The following KIFC3 variants were observed in gnomAD, a reference collection of about 807,000 sequenced individuals.
The protein encoded by KIFC3 is kinesin-like protein KIFC3.
KIFC3 carries 60 observed loss-of-function variants against 101.8 expected under a neutral mutation model. The ratio of observed to expected loss-of-function variants is 0.59; its 90% CI spans 0.48 to 0.73. The LOEUF is 0.73. KIFC3 is among the 30% of genes least tolerant of loss of function. KIFC3 has a pLI of 0.00. For synonymous variants in KIFC3, 476 were observed against 482.7 expected, an observed-to-expected ratio of 0.99 and a Z score of 0.18; for missense variants, 966 against 1,137.1, an observed-to-expected ratio of 0.85 and a Z score of 2.16.
chr16:57,775,170 G>A (rs1306282571), intron 3 of KIFC3: 16 of 1,331,510 alleles, frequency 1.2e-5, no homozygotes, highest in Non-Finnish European at 1.5e-5. Context: ...GAATCTCAGA[G>A]GGGCACCCAA....
intron 3 of KIFC3, chr16:57,782,027 T>G: frequency 1.0e-6 from 1 of 984,992 alleles, no homozygotes; most frequent in African/African-American, 1.7e-5. Context: ...CAAGGCAGAG[T>G]GTACCCCCTG....
chr16:57,859,968 G>T (rs1216910566), intron 1 of KIFC3, among the ~76,000 whole-genome samples: 2 of 150,048 alleles, frequency 1.3e-5, no homozygotes, highest in Non-Finnish European at 3.0e-5. Context: ...GTTACAGAGA[G>T]TTGAGATCGT....
Position 57,770,607 on chromosome 16 carries a change from C to G in KIFC3, c.859G>C (p.Ala287Pro). 1.3e-6 allele frequency: 2 copies of G among 1,542,070 alleles called. No homozygotes were observed. Among genetic ancestry groups the G allele is most frequent in the Admixed American group, 2.0e-5 (1 of 48,788 alleles). ...ARNQHLQEQV[A>P]MQRQVLKEME... ...TCCTTCAGCACCTGCCTCTGCATAG[C>G]CACCTGCTCCTGCAGGTGCTGGTTC... The change falls in exon 7 of 20, where the codon GCT becomes CCT. Residue 287 changes from alanine (A) to proline (P), a missense_variant. By Grantham distance (27) the Ala-to-Pro change is conservative (BLOSUM62 -1). This residue lies in a region of KIFC3 where 689 missense variants were observed against 884.6 expected (regional missense o/e 0.78). Transcript: ENST00000445690.
chr16:57,782,011 G>A, intron 3 of KIFC3: 1 of 985,422 alleles, frequency 1.0e-6, no homozygotes, highest in South Asian at 4.7e-5. Flanking sequence ...ACGGCACCAT[G>A]GAAAACAAGG....
At chr16:57,822,625 A>T (rs1555630082) in intron 1 of KIFC3, among the ~76,000 whole-genome samples, 1 of 151,220 alleles carries the variant, frequency 6.6e-6, no homozygotes, top group East Asian at 1.9e-4. Flanking sequence ...TGAACCCAGG[A>T]GGTGGAGGTT....
intron 2 of KIFC3, chr16:57,797,780 G>A: frequency 7.5e-7 from 1 of 1,328,814 alleles, no homozygotes; most frequent in Non-Finnish European, 9.6e-7. Context: ...GCAGAGCTCT[G>A]ACCAGCTTGG....
intron 1 of KIFC3, among the ~76,000 whole-genome samples, chr16:57,821,451 A>T (rs2055348477): frequency 6.6e-6 from 1 of 152,136 alleles, no homozygotes; most frequent in African/African-American, 2.4e-5. Flanking sequence ...CAGAACAGGG[A>T]AGAGTTTATT....
At chr16:57,791,963 A>G (rs2053907202) in intron 3 of KIFC3, among the ~76,000 whole-genome samples, 1 of 152,220 alleles carries the variant, frequency 6.6e-6, no homozygotes, top group Non-Finnish European at 1.5e-5. Flanking sequence ...TCCCTGAAGC[A>G]ACATCAACCC....
rs200822275 is a variant in KIFC3 at position 57,770,648 on chromosome 16, C to T, written c.818G>A (p.Ser273Asn). ...GTGCTGGTTCCGGGCCTGGGACTCG[C>T]TGAGGGCCTGCTTGGTCTTGGACGA... ...VESSKTKQAL[S>N]ESQARNQHLQ... Residue 273 changes from serine to asparagine, a missense_variant, in exon 7 of 20, where the codon AGC (serine) becomes AAC (asparagine). Physicochemically the swap from Ser to Asn is conservative, Grantham distance 46. This residue lies in a region of KIFC3 where 689 missense variants were observed against 884.6 expected (regional missense o/e 0.78). Transcript: ENST00000445690. The T allele has an allele frequency of 5.2e-5, 81 of 1,559,336 alleles. 1 individual carries two copies. The East Asian group carries it at 1.9e-3, about 37-fold the overall frequency.
chr16:57,849,412 G>A (rs772613977), intron 1 of KIFC3, among the ~76,000 whole-genome samples: 2 of 152,098 alleles, frequency 1.3e-5, no homozygotes, highest in East Asian at 1.9e-4. Flanking sequence ...TATCTGTGAC[G>A]GCCTTTACTT....
rs2051894585 is a variant in KIFC3 at position 57,775,299 on chromosome 16, T to C, written c.316-3011A>G. ...GAGGTGTCAGACACTAGGTCATCTC[T>C]GGCTTCTTGAGGGCAGCAAAGCAGG... On this transcript the variant is annotated intron_variant, in intron 3 of 19. Transcript: ENST00000445690. The C allele has an allele frequency of 2.5e-6, 3 of 1,221,050 alleles. No individual in the cohort carries two copies. The South Asian group carries it at 9.9e-5, about 40-fold the overall frequency. 75.6% of individuals were successfully genotyped at this position (1,221,050 alleles called of 1,614,324 possible). A position where few individuals can be genotyped will look rare whatever the true frequency, so the allele number is the denominator to read the frequency against.
intron 1 of KIFC3, among the ~76,000 whole-genome samples, chr16:57,843,485 T>C (rs994789127): frequency 2.0e-5 from 3 of 152,176 alleles, no homozygotes; most frequent in African/African-American, 7.2e-5. Context: ...CTGATGGCGC[T>C]GGGTTCTGAT....
At chr16:57,772,570 G>A (rs559875623) in intron 3 of KIFC3, among the ~76,000 whole-genome samples, 2 of 152,178 alleles carry the variant, frequency 1.3e-5, no homozygotes, top group East Asian at 3.9e-4. Flanking sequence ...AGGCCACCCC[G>A]ATGCCCCCTG....
At chr16:57,832,624 A>G (rs1049935441) in intron 1 of KIFC3, among the ~76,000 whole-genome samples, 3 of 151,792 alleles carry the variant, frequency 2.0e-5, no homozygotes, top group African/African-American at 7.3e-5. Flanking sequence ...CGCAAGGTGA[A>G]TTTTTTTTCT....
chr16:57,813,533 C>T (rs1404085865), intron 1 of KIFC3: 1 of 259,386 alleles, frequency 3.9e-6, no homozygotes, highest in Non-Finnish European at 6.0e-6. Context: ...CAAATGGCAC[C>T]GGATGCCCCT....
chr16:57,802,427 C>G lies in KIFC3; in HGVS notation c.-97G>C. The stretch of plus-strand genomic sequence containing the variant: ...GCAGCGCCCGGGGCTCGGCCCGGCC[C>G]GGCCCGCCGGCAGGAGGCAGCTCCA... On this transcript the variant is annotated 5_prime_UTR_variant, in exon 1 of 20. Transcript: ENST00000445690. The surrounding 1 kb of genome is among the most constrained non-coding windows in gnomAD (Gnocchi z 5.0). 2.0e-6 allele frequency: 2 copies of G among 982,962 alleles called. No individual in the cohort carries two copies. The highest frequency in any genetic ancestry group is 2.4e-6 in the Non-Finnish European group (2 of 828,928). The allele number at this position is 982,962 out of a possible 1,614,324, so 60.9% of individuals were successfully genotyped here.
intron 3 of KIFC3, chr16:57,774,746 T>C (rs1399503066): frequency 1.6e-6 from 1 of 610,364 alleles, no homozygotes; most frequent in African/African-American, 1.9e-5. Context: ...AAGCTGGCCT[T>C]GAATTCCTGG....
chr16:57,858,396 C>G (rs2056224610), intron 1 of KIFC3, among the ~76,000 whole-genome samples: 2 of 151,956 alleles, frequency 1.3e-5, no homozygotes, highest in South Asian at 4.2e-4. Flanking sequence ...TTTATTTTTG[C>G]TTTTTGTTTT....
At chr16:57,816,207 T>A in intron 1 of KIFC3, 1 of 1,285,068 alleles carries the variant, frequency 7.8e-7, no homozygotes, top group Non-Finnish European at 1.0e-6. Flanking sequence ...TCTCACAACA[T>A]CCCCATTCAC....
Sources: allele counts gnomAD v4.1 joint callset (sites outside exome capture counted in the v4.1 genomes callset), GRCh38; gene constraint gnomAD v4.1.1; regional missense constraint gnomAD v4.1.1; non-coding constraint Gnocchi (gnomAD v3.1); transcripts MANE v1.5; gene names NCBI Gene and HGNC (gene_info 2026-07-23, HGNC 2026-07-21).